Variants in ANKRD45 observed in about 807,000 individuals in gnomAD.
The protein encoded by ANKRD45 is ankyrin repeat domain 45.
Under a neutral mutation model 28.1 loss-of-function variants are expected in ANKRD45, and 21 were observed. The ratio of observed to expected loss-of-function variants is 0.75; its 90% CI spans 0.53 to 1.08. The LOEUF is 1.08. Ranked by LOEUF, ANKRD45 falls within the 50% of genes least tolerant of loss-of-function variation. The probability of loss-of-function intolerance (pLI) is 0.00; values close to 1 mark genes in which losing one functional copy is unlikely to be tolerated. For missense variants in ANKRD45, 261 were observed against 308.7 expected (o/e 0.85, Z 1.16); for synonymous variants, 86 against 103.9 (o/e 0.83, Z 1.05).
intron 3 of ANKRD45, among the ~76,000 whole-genome samples, chr1:173,636,019 C>G (rs796529069): frequency 6.6e-6 from 1 of 152,100 alleles, no homozygotes; most frequent in African/African-American, 2.4e-5. Flanking sequence ...AGGTGTTCAA[C>G]AAATGTGTAT....
At chr1:173,622,950 C>T (rs1254892881) in intron 5 of ANKRD45, among the ~76,000 whole-genome samples, 1 of 151,850 alleles carries the variant, frequency 6.6e-6, no homozygotes, top group Non-Finnish European at 1.5e-5. Flanking sequence ...TACAAACATA[C>T]AAGCAAAAAA....
In ANKRD45 at chr1:173,667,578, C is replaced by T. The variant is rs1051444845; in HGVS notation, c.-16+2239G>A. ...AAAATTAGTCGGGCATAGTGGCAGG[C>T]GCCTGTAGTCCCAGCCACTCAGGAG... On this transcript the variant is annotated intron_variant, in intron 1 of 5. Transcript: ENST00000333279. 4 of 252,030 alleles carry T rather than the reference C, an allele frequency of 1.6e-5. No homozygotes were observed. In the East Asian group the frequency reaches 4.0e-4, roughly 25 times the overall value. 15.6% of individuals were successfully genotyped at this position (252,030 alleles called of 1,614,324 possible). A position where few individuals can be genotyped will look rare whatever the true frequency, so the allele number is the denominator to read the frequency against.
chr1:173,614,917 G>T (rs1558116132), intron 5 of ANKRD45, among the ~76,000 whole-genome samples: 1 of 151,986 alleles, frequency 6.6e-6, no homozygotes, highest in Non-Finnish European at 1.5e-5. Flanking sequence ...CCCGGATTCG[G>T]GTGATCATCC....
intron 5 of ANKRD45, among the ~76,000 whole-genome samples, 184 bp downstream of exon 5, chr1:173,624,600 GTTA>G (rs1667845246): frequency 6.6e-6 from 1 of 152,172 alleles, no homozygotes; most frequent in East Asian, 1.9e-4. Flanking sequence ...GAAGAATTCA[GTTA>G]TTATTAGTTA....
chr1:173,704,178 G>A, the ANKRD45 span, among the ~76,000 whole-genome samples: 1 of 152,196 alleles, frequency 6.6e-6, no homozygotes, highest in Non-Finnish European at 1.5e-5. Context: ...TCTAGGCTCA[G>A]AGGGTTCAGG....
intron 1 of ANKRD45, among the ~76,000 whole-genome samples, chr1:173,663,800 G>A (rs1461016): frequency 0.17 from 25,869 of 152,060 alleles, 7,329 homozygotes; most frequent in African/African-American, 0.59. Context: ...TCTGTTATAC[G>A]TAAATTAGTT....
intron 5 of ANKRD45, among the ~76,000 whole-genome samples, chr1:173,613,016 G>T (rs539821126): frequency 6.6e-6 from 1 of 151,882 alleles, no homozygotes; most frequent in African/African-American, 2.4e-5. Flanking sequence ...CCGCCACCCC[G>T]TCTGGGAAGT....
chr1:173,679,455 C>A, the ANKRD45 span, among the ~76,000 whole-genome samples: 2 of 152,180 alleles, frequency 1.3e-5, no homozygotes, highest in Non-Finnish European at 2.9e-5. Flanking sequence ...GAAAGGATCC[C>A]TTATTTAATA....
intron 1 of ANKRD45, among the ~76,000 whole-genome samples, chr1:173,664,635 A>C (rs571070025): frequency 7.0e-4 from 106 of 152,280 alleles, no homozygotes; most frequent in Non-Finnish European, 1.2e-3. Flanking sequence ...CTGAACTCCA[A>C]AGGTCATTAT....
intron 5 of ANKRD45, among the ~76,000 whole-genome samples, chr1:173,619,181 A>C (rs946404932): frequency 1.3e-5 from 2 of 152,244 alleles, no homozygotes; most frequent in Non-Finnish European, 2.9e-5. Context: ...CACTACAAAA[A>C]TAAACTGAAG....
chr1:173,632,555 C>T (rs1250564792), intron 3 of ANKRD45, among the ~76,000 whole-genome samples: 1 of 151,202 alleles, frequency 6.6e-6, no homozygotes, highest in Non-Finnish European at 1.5e-5. Flanking sequence ...AAACAAAACC[C>T]CAAAACTACA....
intron 3 of ANKRD45, among the ~76,000 whole-genome samples, chr1:173,628,014 C>T: frequency 6.6e-6 from 1 of 151,460 alleles, no homozygotes; most frequent in East Asian, 2.0e-4. Context: ...TATTTCTAGA[C>T]ACATCCTGGG....
chr1:173,610,448 G>A (rs1490801639), intron 5 of ANKRD45, among the ~76,000 whole-genome samples: 1 of 152,142 alleles, frequency 6.6e-6, no homozygotes, highest in Non-Finnish European at 1.5e-5. Flanking sequence ...CCCTAGTTCT[G>A]CCATTGATGA....
At chr1:173,697,133 A>G in the ANKRD45 span, among the ~76,000 whole-genome samples, 1 of 152,182 alleles carries the variant, frequency 6.6e-6, no homozygotes, top group Non-Finnish European at 1.5e-5. Flanking sequence ...AGTAAAAACA[A>G]TGAACAAAGC....
At chr1:173,668,100 A>T (rs1670101735) in intron 1 of ANKRD45, among the ~76,000 whole-genome samples, 1 of 152,254 alleles carries the variant, frequency 6.6e-6, no homozygotes, top group Admixed American at 6.5e-5. Context: ...CATATGTAAT[A>T]CTATATTAAA....
At chr1:173,634,977 G>T (rs969339129) in intron 3 of ANKRD45, among the ~76,000 whole-genome samples, 2 of 151,974 alleles carry the variant, frequency 1.3e-5, no homozygotes, top group African/African-American at 4.8e-5. Context: ...CAGATGCTGG[G>T]TTATGTGAAG....
At chr1:173,658,872 A>G in intron 2 of ANKRD45, 1 of 621,700 alleles carries the variant, frequency 1.6e-6, no homozygotes, top group South Asian at 6.9e-5. Context: ...CAAGTCACAC[A>G]GCTAATAAAT....
At chr1:173,678,091 C>T in the ANKRD45 span, among the ~76,000 whole-genome samples, 1 of 151,914 alleles carries the variant, frequency 6.6e-6, no homozygotes, top group Non-Finnish European at 1.5e-5. Context: ...AATGGTGAAA[C>T]CAAAAAAAGT....
At chr1:173,645,775 T>G (rs1668889676) in intron 3 of ANKRD45, among the ~76,000 whole-genome samples, 1 of 152,222 alleles carries the variant, frequency 6.6e-6, no homozygotes. Context: ...ATTTTGCTCA[T>G]GCCCTTTCCC....
Sources: gnomAD v4.1 joint callset for allele counts (sites outside exome capture counted in the v4.1 genomes callset) on GRCh38, gnomAD v4.1.1 for gene constraint, MANE v1.5 for transcripts, NCBI Gene and HGNC (gene_info 2026-07-23, HGNC 2026-07-21) for gene names.